Variants in ERBIN observed in about 807,000 individuals in gnomAD.
ERBIN encodes erbb2 interacting protein.
A neutral mutation model predicts 158.4 loss-of-function variants in ERBIN; 60 were observed. The ratio of observed to expected loss-of-function variants is 0.38; its 90% CI spans 0.31 to 0.47. ERBIN has a LOEUF of 0.47. Among genes scored for constraint, ERBIN ranks in the 20% least tolerant of loss-of-function variants. The pLI is 0.99. For missense variants in ERBIN, 1,610 were observed against 1,648.0 expected, an observed-to-expected ratio of 0.98 and a Z score of 0.40; for synonymous variants, 594 against 557.2, an observed-to-expected ratio of 1.07 and a Z score of -0.93.
intron 2 of ERBIN, 84 bp downstream of exon 2, chr5:65,988,766 G>C (rs1751538608): frequency 6.6e-6 from 1 of 151,984 alleles, no homozygotes; most frequent in Non-Finnish European, 1.5e-5. Flanking sequence ...CACTTTGGGA[G>C]GTCAGTGCAG....
chr5:65,994,517 T>C (rs965169998), intron 3 of ERBIN, among the ~76,000 whole-genome samples: 1 of 152,226 alleles, frequency 6.6e-6, no homozygotes, highest in African/African-American at 2.4e-5. Context: ...CATATACTTA[T>C]TCTCACTAAG....
chr5:66,011,717 C>CT (rs35610163), intron 4 of ERBIN, among the ~76,000 whole-genome samples: 18 of 151,304 alleles, frequency 1.2e-4, no homozygotes, highest in African/African-American at 2.4e-4. Flanking sequence ...AAAAACGGTC[C>CT]TTTTTTTTTA....
chr5:66,061,752 C>G (rs866339386), intron 21 of ERBIN, among the ~76,000 whole-genome samples: 7 of 152,294 alleles, frequency 4.6e-5, no homozygotes, highest in South Asian at 4.2e-4. Context: ...GTGACAAAAT[C>G]TCTCAGCATT....
At chr5:66,028,156 C>A (rs1474111705) in intron 13 of ERBIN, 118 bp from the exon 14 acceptor site, 4 of 563,222 alleles carry the variant, frequency 7.1e-6, no homozygotes, top group African/African-American at 2.0e-5. Flanking sequence ...ATTTTTTTTT[C>A]TCCTATTTTC....
intron 1 of ERBIN, among the ~76,000 whole-genome samples, chr5:65,983,657 C>T (rs1415937147): frequency 1.3e-5 from 2 of 152,218 alleles, no homozygotes; most frequent in African/African-American, 4.8e-5. Flanking sequence ...CTTTGTTTTA[C>T]ATTTTTACAA....
chr5:65,929,680 G>C (rs1209140616), intron 1 of ERBIN, among the ~76,000 whole-genome samples: 1 of 119,308 alleles, frequency 8.4e-6, no homozygotes, highest in East Asian at 2.6e-4. Context: ...TTGCTCTGTT[G>C]CCTAGGCTGG....
At chr5:65,979,870 A>T (rs368058759) in intron 1 of ERBIN, among the ~76,000 whole-genome samples, 1 of 152,242 alleles carries the variant, frequency 6.6e-6, no homozygotes, top group African/African-American at 2.4e-5. Flanking sequence ...TCGAATTTAT[A>T]GTATGTATCA....
chr5:66,005,589 G>C (rs1753496723), intron 4 of ERBIN, among the ~76,000 whole-genome samples: 1 of 152,176 alleles, frequency 6.6e-6, no homozygotes. Context: ...TATTCAGTTA[G>C]GAAAAGAGGA....
intron 4 of ERBIN, among the ~76,000 whole-genome samples, chr5:65,998,231 AATATATATATATAG>A (rs1561352344): frequency 6.7e-6 from 1 of 149,156 alleles, no homozygotes; most frequent in East Asian, 1.9e-4. Context: ...CTCAAAAAAA[AATATATATATATAG>A]ATATATATAT....
intron 4 of ERBIN, among the ~76,000 whole-genome samples, chr5:66,007,614 C>CA (rs940741681): frequency 6.6e-6 from 1 of 151,076 alleles, no homozygotes; most frequent in East Asian, 1.9e-4. Flanking sequence ...AGAGAAAATG[C>CA]AAAAGCTACT....
At chr5:65,955,022 C>T (rs899282241) in intron 1 of ERBIN, among the ~76,000 whole-genome samples, 4 of 151,782 alleles carry the variant, frequency 2.6e-5, no homozygotes, top group Non-Finnish European at 5.9e-5. Context: ...CTGAAATTGC[C>T]CCACTTGCAC....
At position 66,048,655 on chromosome 5, in the gene ERBIN, C is replaced by T; in HGVS notation, c.1789-12C>T. On this transcript the variant is annotated splice_polypyrimidine_tract_variant and intron_variant, in intron 18 of 25. Transcript: ENST00000284037. Reference sequence around the variant, plus strand: ...AATTTAATTTTTATCCCCCTCACCCCCTTTTCACTAGGAATCTGAAGAACT... The same window carrying T: ...AATTTAATTTTTATCCCCCTCACCCTCTTTTCACTAGGAATCTGAAGAACT... 6.5e-7 allele frequency: 1 copy of T among 1,547,696 alleles called. No homozygotes were observed. The highest frequency in any genetic ancestry group is 8.9e-7 in the Non-Finnish European group (1 of 1,126,368).
intron 1 of ERBIN, among the ~76,000 whole-genome samples, chr5:65,976,560 G>A (rs1301844036): frequency 2.7e-5 from 4 of 145,466 alleles, no homozygotes; most frequent in South Asian, 4.3e-4. Context: ...GGTGTTTCTC[G>A]CAGAGGGGGA....
At chr5:65,986,487 C>T (rs1435495122) in intron 1 of ERBIN, among the ~76,000 whole-genome samples, 12 of 152,198 alleles carry the variant, frequency 7.9e-5, no homozygotes, top group African/African-American at 2.4e-5. Flanking sequence ...ACGTTAAACA[C>T]ACACGTTAAA....
chr5:65,957,860 C>T (rs1162998548), intron 1 of ERBIN, among the ~76,000 whole-genome samples: 1 of 148,872 alleles, frequency 6.7e-6, no homozygotes, highest in African/African-American at 2.5e-5. Context: ...ACTTCTCAGA[C>T]GGGGCGGCTG....
chr5:65,940,516 TG>T (rs1336518819), intron 1 of ERBIN, among the ~76,000 whole-genome samples: 54 of 42,284 alleles, frequency 1.3e-3, no homozygotes, highest in African/African-American at 3.1e-3. Context: ...GGGAGGGAGG[TG>T]GGGGGGGTCA....
intron 14 of ERBIN, among the ~76,000 whole-genome samples, chr5:66,030,562 C>CTT (rs766454675): frequency 0.01 from 1,317 of 128,332 alleles, 37 homozygotes; most frequent in African/African-American, 0.035. Flanking sequence ...ACAGTAGCAC[C>CTT]TTTTTTTTTT....
intron 13 of ERBIN, among the ~76,000 whole-genome samples, chr5:66,027,364 C>T (rs367591110): frequency 1.8e-4 from 28 of 152,014 alleles, no homozygotes; most frequent in South Asian, 8.3e-4. Flanking sequence ...AAGAAAGGCA[C>T]GGAAGACTAG....
intron 14 of ERBIN, among the ~76,000 whole-genome samples, chr5:66,035,791 C>T (rs1757336837): frequency 6.6e-6 from 1 of 152,092 alleles, no homozygotes; most frequent in Admixed American, 6.6e-5. Context: ...TATGTGGCTA[C>T]TAAAAAATTA....
Sources: allele counts gnomAD v4.1 joint callset (sites outside exome capture counted in the v4.1 genomes callset), GRCh38; gene constraint gnomAD v4.1.1; transcripts MANE v1.5; gene names NCBI Gene and HGNC (gene_info 2026-07-23, HGNC 2026-07-21).